IER5L: variants seen among roughly 807,000 people sequenced by gnomAD.
The protein encoded by IER5L is immediate early response 5 like.
In IER5L, 6 loss-of-function variants were observed where a neutral mutation model predicts 28.3. The observed-to-expected ratio is 0.21, with a 90% CI of 0.12 to 0.42. The LOEUF (loss-of-function observed/expected upper bound fraction) is 0.42, where lower values mean the gene tolerates loss of function less well. Among genes scored for constraint, IER5L ranks in the 10% least tolerant of loss-of-function variants. IER5L has a pLI of 1.00. For synonymous variants in IER5L, 351 were observed against 282.5 expected (o/e 1.24, Z -2.43); for missense variants, 607 against 575.2 (o/e 1.06, Z -0.56).
Position 129,177,120 on chromosome 9 carries a change from C to T in IER5L, c.933G>A (p.Glu311=), listed in dbSNP as rs751088396. The change falls in exon 1 of 1, where the codon GAG becomes GAA. Residue 311 remains glutamate (E), a synonymous_variant. Transcript: ENST00000372491. ...CGCCCGCATCCTCCTCGTCGTCTTC[C>T]TCCTCCTCCTGGCCAGGGTAATACT... ...KRKYYPGQEE[E]EDDEEDAGGL... is the part of the protein sequence containing the mutation. 4.5e-5 allele frequency: 66 copies of T among 1,456,256 alleles called. No homozygotes were observed. The highest frequency in any genetic ancestry group is 5.5e-5 in the Non-Finnish European group (61 of 1,105,984). 90.2% of individuals were successfully genotyped at this position (1,456,256 alleles called of 1,614,324 possible).
At position 129,176,146 on chromosome 9, in the gene IER5L, G is replaced by A. The variant is rs1829392086; in HGVS notation, c.*692C>T. ...CCGGGAGACGGGTGGAGGAGGGGAG[G>A]AGAACGGAGCCAGAGGGGCGGGGAG... On this transcript the variant is annotated 3_prime_UTR_variant, in exon 1 of 1. Transcript: ENST00000372491. 6.6e-6 allele frequency: 1 copy of A among 151,884 alleles called. No individual in the cohort carries two copies. Among genetic ancestry groups the A allele is most frequent in the South Asian group, 2.1e-4 (1 of 4,802 alleles). The allele number at this position is 151,884 out of a possible 1,614,324, so 9.4% of individuals were successfully genotyped here. A position where few individuals can be genotyped will look rare whatever the true frequency, so the allele number is the denominator to read the frequency against.
Position 129,177,497 on chromosome 9 carries a change from G to T in IER5L, c.556C>A (p.Pro186Thr), listed in dbSNP as rs978874638. Residue 186 changes from proline (P) to threonine (T), a missense_variant, in exon 1 of 1, where the codon CCG (proline) becomes ACG (threonine). Coordinates refer to ENST00000372491, the MANE Select transcript of IER5L (RefSeq NM_203434.3). ...EPLQPGPAPL[P>T]LPLPPPAPAA... ...GGCGCGGGCGGCGGCAGCGGCAGCG[G>T]CAGCGGCGCAGGACCCGGCTGCAGA... The T allele has an allele frequency of 5.1e-6, 5 of 989,478 alleles. No homozygotes were observed. The African/African-American group carries it at 7.0e-5, about 14-fold the overall frequency. 61.3% of individuals were successfully genotyped at this position (989,478 alleles called of 1,614,324 possible).
Position 129,177,715 on chromosome 9 carries a change from T to C in IER5L, c.338A>G (p.Gln113Arg), listed in dbSNP as rs1256449150. ...GTGCAGCTGGTGGAGCTGGTGGAGC[T>C]GGTGCAGCTGGTGCCGGGCGGCCGG... ...REPAARHQLHQLHQLHQLHLQ... is the reference protein window; with the variant it reads ...REPAARHQLHRLHQLHQLHLQ... Residue 113 changes from glutamine to arginine, a missense_variant, in exon 1 of 1, where the codon CAG (glutamine) becomes CGG (arginine). Coordinates refer to ENST00000372491, the MANE Select transcript of IER5L (RefSeq NM_203434.3). 3 of 1,437,934 alleles carry C rather than the reference T, an allele frequency of 2.1e-6. No individual in the cohort carries two copies. Among genetic ancestry groups the C allele is most frequent in the South Asian group, 2.7e-5 (2 of 73,098 alleles). The allele number at this position is 1,437,934 out of a possible 1,614,324, so 89.1% of individuals were successfully genotyped here.
In IER5L at chr9:129,177,288, G is replaced by C. The variant is rs760245687; in HGVS notation, c.765C>G (p.Thr255=). The change falls in exon 1 of 1, where the codon ACC becomes ACG. Residue 255 remains threonine, a synonymous_variant. Coordinates refer to ENST00000372491, the MANE Select transcript of IER5L (RefSeq NM_203434.3). ...CCACGTGAGTGTCTAGGTCCAGCAC[G>C]GTGGTCTGGCTGCTGCAGTGCAAGC... is the stretch of plus-strand genomic sequence containing the variant. The part of the protein sequence containing the change: ...DFGLHCSSQT[T]VLDLDTHVVT... 3.4e-6 allele frequency: 5 copies of C among 1,464,698 alleles called. No homozygotes were observed. In the African/African-American group the frequency reaches 4.4e-5, roughly 13 times the overall value. 90.7% of individuals were successfully genotyped at this position (1,464,698 alleles called of 1,614,324 possible).
In IER5L at chr9:129,178,023, C is replaced by T. The variant is rs371331121; in HGVS notation, c.30G>A (p.Leu10=). MECALDAQS[L]ISISLRKIHS... Reference sequence around the variant, plus strand: ...GGATCTTGCGCAGGGAGATGCTGATCAGGCTCTGGGCGTCCAGGGCGCACT... The same window carrying T: ...GGATCTTGCGCAGGGAGATGCTGATTAGGCTCTGGGCGTCCAGGGCGCACT... Residue 10 remains leucine, a synonymous_variant, in exon 1 of 1, where the codon CTG becomes CTA. Coordinates refer to ENST00000372491, the MANE Select transcript of IER5L (RefSeq NM_203434.3). 2 of 1,555,324 alleles carry T rather than the reference C, an allele frequency of 1.3e-6. No individual in the cohort carries two copies. The highest frequency in any genetic ancestry group is 1.8e-5 in the Admixed American group (1 of 54,306).
rs1277263058 is a variant in IER5L at position 129,178,061 on chromosome 9, G to A, written c.-9C>T. ...TCCAGGGCGCACTCCATGCTCCCGCGGAGACGGCGGCGGAGCAGCCGCCGC... is the reference window on the plus strand; with the variant it reads ...TCCAGGGCGCACTCCATGCTCCCGCAGAGACGGCGGCGGAGCAGCCGCCGC... On this transcript the variant is annotated 5_prime_UTR_variant, in exon 1 of 1. Transcript: ENST00000372491. 5.0e-6 allele frequency: 7 copies of A among 1,411,942 alleles called. 1 individual carries two copies. In the African/African-American group the frequency reaches 6.0e-5, roughly 12 times the overall value. 87.5% of individuals were successfully genotyped at this position (1,411,942 alleles called of 1,614,324 possible). A position where few individuals can be genotyped will look rare whatever the true frequency, so the allele number is the denominator to read the frequency against.
chr9:129,177,684 C>A lies in IER5L; in HGVS notation c.369G>T (p.Gln123His). Residue 123 changes from glutamine to histidine, a missense_variant, in exon 1 of 1, where the codon CAG becomes CAT. Transcript: ENST00000372491. ...QLHQLHQLHLQQQLHQHQHPA... is the reference protein window; with the variant it reads ...QLHQLHQLHLHQQLHQHQHPA... ...GGTGCTGGTGCTGGTGCAGCTGCTG[C>A]TGGAGGTGCAGCTGGTGGAGCTGGT... 1 of 1,413,596 alleles carries A rather than the reference C, an allele frequency of 7.1e-7. No homozygotes were observed. The highest frequency in any genetic ancestry group is 9.2e-7 in the Non-Finnish European group (1 of 1,086,198). 87.6% of individuals were successfully genotyped at this position (1,413,596 alleles called of 1,614,324 possible). A position where few individuals can be genotyped will look rare whatever the true frequency, so the allele number is the denominator to read the frequency against.
chr9:129,176,946 G>A lies in IER5L; in HGVS notation c.1107C>T (p.Ser369=). ...GCTGCTCCGAGGAGTCCGGCTGTCG[G>A]CTCACCAGCCCCGAGAAGCCGGAGC... The part of the protein sequence containing the change: ...IFGSGFSGLV[S]RQPDSSEQPP... Residue 369 remains serine, a synonymous_variant, in exon 1 of 1, where the codon AGC becomes AGT. Transcript: ENST00000372491. 1.2e-6 allele frequency: 2 copies of A among 1,603,896 alleles called. No individual in the cohort carries two copies. Among genetic ancestry groups the A allele is most frequent in the African/African-American group, 1.4e-5 (1 of 74,000 alleles).
At position 129,177,765 on chromosome 9, in the gene IER5L, G is replaced by A. The variant is rs568379257; in HGVS notation, c.288C>T (p.Gly96=). 4.7e-4 allele frequency: 688 copies of A among 1,458,778 alleles called. 3 individuals are homozygous for A. In the Middle Eastern group the frequency reaches 8.0e-3, roughly 17 times the overall value. The allele number at this position is 1,458,778 out of a possible 1,614,324, so 90.4% of individuals were successfully genotyped here. A position where few individuals can be genotyped will look rare whatever the true frequency, so the allele number is the denominator to read the frequency against. Residue 96 remains glycine, a synonymous_variant, in exon 1 of 1, where the codon GGC becomes GGT. Coordinates refer to ENST00000372491, the MANE Select transcript of IER5L (RefSeq NM_203434.3). Reference sequence around the variant, plus strand: ...GCTCGCGCGCCTCCGCGTCCCCGCCGCCGCCAAGTTGGAGCGGGCCGAAGT... The same window carrying A: ...GCTCGCGCGCCTCCGCGTCCCCGCCACCGCCAAGTTGGAGCGGGCCGAAGT... The part of the protein sequence containing the change: ...AADFGPLQLG[G]GGDAEAREPA...
Position 129,177,852 on chromosome 9 carries a change from C to T in IER5L, c.201G>A (p.Pro67=), listed in dbSNP as rs137920618. The change falls in exon 1 of 1, where the codon CCG becomes CCA. Residue 67 remains proline (P), a synonymous_variant. Coordinates refer to ENST00000372491, the MANE Select transcript of IER5L (RefSeq NM_203434.3). Reference sequence around the variant, plus strand: ...CTAGGTGCTGGTGCTGGTGGTGGGGCGGCTGCTGCTGTTGCTGCTGCTGCT... The same window carrying T: ...CTAGGTGCTGGTGCTGGTGGTGGGGTGGCTGCTGCTGTTGCTGCTGCTGCT... ...RRQQQQQQQQ[P]PHHQHQHLAY... 2 of 1,539,382 alleles carry T rather than the reference C, an allele frequency of 1.3e-6. No individual in the cohort carries two copies. The highest frequency in any genetic ancestry group is 2.8e-5 in the African/African-American group (2 of 71,680).
chr9:129,178,042 G>T lies in IER5L; in HGVS notation c.11C>A (p.Ala4Asp). 1 of 1,493,946 alleles carries T rather than the reference G, an allele frequency of 6.7e-7. No homozygotes were observed. The highest frequency in any genetic ancestry group is 8.9e-7 in the Non-Finnish European group (1 of 1,119,316). The allele number at this position is 1,493,946 out of a possible 1,614,324, so 92.5% of individuals were successfully genotyped here. The change falls in exon 1 of 1, where the codon GCC becomes GAC. Residue 4 changes from alanine to aspartate, a missense_variant. Physicochemically the swap from Ala to Asp is moderately radical, Grantham distance 126. Transcript: ENST00000372491. ...GCTGATCAGGCTCTGGGCGTCCAGG[G>T]CGCACTCCATGCTCCCGCGGAGACG... is the stretch of plus-strand genomic sequence containing the variant. MECALDAQSLISIS... is the reference protein window; with the variant it reads MECDLDAQSLISIS...
chr9:129,177,477 GGGCGGC>G lies in IER5L; in HGVS notation c.570_575del (p.Pro191_Pro192del). ...CCCGCGGGCAGAGCGCAGCGGGCGC[GGGCGGC>G]GGCAGCGGCAGCGGCAGCGGCGCAG... On this transcript the variant is annotated inframe_deletion, in exon 1 of 1. Coordinates refer to ENST00000372491, the MANE Select transcript of IER5L (RefSeq NM_203434.3). The G allele has an allele frequency of 7.0e-6, 7 of 996,138 alleles. No homozygotes were observed. The highest frequency in any genetic ancestry group is 7.1e-6 in the Non-Finnish European group (6 of 839,384). 61.7% of individuals were successfully genotyped at this position (996,138 alleles called of 1,614,324 possible). A position where few individuals can be genotyped will look rare whatever the true frequency, so the allele number is the denominator to read the frequency against.
At position 129,177,858 on chromosome 9, in the gene IER5L, C is replaced by CTGCTGT. The variant is rs1377220864; in HGVS notation, c.189_194dup (p.Gln65_Gln66dup). 1.0e-5 allele frequency: 16 copies of CTGCTGT among 1,541,150 alleles called. No individual in the cohort carries two copies. Among genetic ancestry groups the CTGCTGT allele is most frequent in the Non-Finnish European group, 1.4e-5 (16 of 1,144,290 alleles). On this transcript the variant is annotated inframe_insertion, in exon 1 of 1. Transcript: ENST00000372491. ...GCTGGTGCTGGTGGTGGGGCGGCTGCTGCTGTTGCTGCTGCTGCTGGCGCC... is the reference window on the plus strand; with the variant it reads ...GCTGGTGCTGGTGGTGGGGCGGCTGCTGCTGTTGCTGTTGCTGCTGCTGCTGGCGCC...
chr9:129,176,195 C>A lies in IER5L; in HGVS notation c.*643G>T, dbSNP rs1829392672. ...AGAAGAGGGGTTCAAGACACCCGCC[C>A]CGGGAAGAAAAGAAAAAAAAAGTTG... is the stretch of plus-strand genomic sequence containing the variant. On this transcript the variant is annotated 3_prime_UTR_variant, in exon 1 of 1. Transcript: ENST00000372491. The A allele has an allele frequency of 6.6e-6, 1 of 152,092 alleles. No individual in the cohort carries two copies. Among genetic ancestry groups the A allele is most frequent in the South Asian group, 2.1e-4 (1 of 4,826 alleles). The allele number at this position is 152,092 out of a possible 1,614,324, so 9.4% of individuals were successfully genotyped here. A position where few individuals can be genotyped will look rare whatever the true frequency, so the allele number is the denominator to read the frequency against.
chr9:129,177,020 C>A lies in IER5L; in HGVS notation c.1033G>T (p.Asp345Tyr), dbSNP rs1001110391. The A allele has an allele frequency of 4.4e-6, 7 of 1,589,964 alleles. No homozygotes were observed. The highest frequency in any genetic ancestry group is 6.0e-6 in the Non-Finnish European group (7 of 1,169,906). Residue 345 changes from aspartate to tyrosine, a missense_variant, in exon 1 of 1, where the codon GAC (aspartate) becomes TAC (tyrosine). By Grantham distance (160) the Asp-to-Tyr change is radical (BLOSUM62 -3). Coordinates refer to ENST00000372491, the MANE Select transcript of IER5L (RefSeq NM_203434.3). ...KRARFEDFCPDSSPDASNISN... is the reference protein window; with the variant it reads ...KRARFEDFCPYSSPDASNISN... Reference sequence around the variant, plus strand: ...ATGTTGGACGCGTCCGGGGACGAGTCCGGGCAGAAGTCCTCGAAGCGGGCG... The same window carrying A: ...ATGTTGGACGCGTCCGGGGACGAGTACGGGCAGAAGTCCTCGAAGCGGGCG...
In IER5L at chr9:129,177,030, G is replaced by A. The variant is rs752312807; in HGVS notation, c.1023C>T (p.Asp341=). The change falls in exon 1 of 1, where the codon GAC becomes GAT. Residue 341 remains aspartate, a synonymous_variant. Transcript: ENST00000372491. ...FAPCKRARFE[D]FCPDSSPDAS... ...CGTCCGGGGACGAGTCCGGGCAGAA[G>A]TCCTCGAAGCGGGCGCGCTTGCAGG... 27 of 1,575,582 alleles carry A rather than the reference G, an allele frequency of 1.7e-5. No homozygotes were observed. Among genetic ancestry groups the A allele is most frequent in the South Asian group, 1.5e-4 (13 of 87,278 alleles).
At position 129,176,960 on chromosome 9, in the gene IER5L, A is replaced by G; in HGVS notation, c.1093T>C (p.Ser365Pro). Residue 365 changes from serine to proline, a missense_variant, in exon 1 of 1, where the codon TCG (serine) becomes CCG (proline). Coordinates refer to ENST00000372491, the MANE Select transcript of IER5L (RefSeq NM_203434.3). ...TCCGGCTGTCGGCTCACCAGCCCCG[A>G]GAAGCCGGAGCCAAAGATGGAGATC... Reference protein sequence around the residue: ...NLISIFGSGFSGLVSRQPDSS... With the variant: ...NLISIFGSGFPGLVSRQPDSS... 1 of 1,603,826 alleles carries G rather than the reference A, an allele frequency of 6.2e-7. No individual in the cohort carries two copies. Among genetic ancestry groups the G allele is most frequent in the Non-Finnish European group, 8.5e-7 (1 of 1,176,516 alleles).
Position 129,176,724 on chromosome 9 carries a change from CAGCTCAGCCCCG to C in IER5L, c.*102_*113del, listed in dbSNP as rs1829408688. 2 of 1,316,320 alleles carry C rather than the reference CAGCTCAGCCCCG, an allele frequency of 1.5e-6. No homozygotes were observed. Among genetic ancestry groups the C allele is most frequent in the African/African-American group, 1.6e-5 (1 of 64,320 alleles). The allele number at this position is 1,316,320 out of a possible 1,614,324, so 81.5% of individuals were successfully genotyped here. Reference sequence around the variant, plus strand: ...TCAGCCGCCTGCCCCCGCTCGCCCCCAGCTCAGCCCCGAGTGGCCCGGCGCCCGCTCGTTCCC... The same window carrying C: ...TCAGCCGCCTGCCCCCGCTCGCCCCCAGTGGCCCGGCGCCCGCTCGTTCCC... On this transcript the variant is annotated 3_prime_UTR_variant, in exon 1 of 1. Transcript: ENST00000372491.
In IER5L at chr9:129,177,117, T is replaced by TTCC. The variant is rs754811249; in HGVS notation, c.933_935dup (p.Glu312dup). ...GCCCGCCCGCATCCTCCTCGTCGTC[T>TTCC]TCCTCCTCCTCCTGGCCAGGGTAAT... On this transcript the variant is annotated inframe_insertion, in exon 1 of 1. Transcript: ENST00000372491. The TTCC allele has an allele frequency of 2.7e-6, 4 of 1,460,838 alleles. No individual in the cohort carries two copies. The highest frequency in any genetic ancestry group is 3.6e-6 in the Non-Finnish European group (4 of 1,108,398). The allele number at this position is 1,460,838 out of a possible 1,614,324, so 90.5% of individuals were successfully genotyped here.
Sources: gnomAD v4.1 joint callset for allele counts on GRCh38, gnomAD v4.1.1 for gene constraint, MANE v1.5 for transcripts, NCBI Gene and HGNC (gene_info 2026-07-23, HGNC 2026-07-21) for gene names.